Variants in SDC1 observed in about 807,000 individuals in gnomAD.
The protein encoded by SDC1 is syndecan-1.
Under a neutral mutation model 29.7 loss-of-function variants are expected in SDC1, and 14 were observed. That is an observed-to-expected ratio of 0.47 (90% CI 0.31 to 0.74). The LOEUF (loss-of-function observed/expected upper bound fraction) is 0.74. Among genes scored for constraint, SDC1 ranks in the 30% least tolerant of loss-of-function variants. SDC1 has a pLI of 0.05. For missense variants in SDC1, 406 were observed against 400.3 expected (o/e 1.01, Z -0.12); for synonymous variants, 204 against 175.5 (o/e 1.16, Z -1.29).
In SDC1 at chr2:20,202,147, T is replaced by C. The variant is rs1248488671; in HGVS notation, c.*619A>G. 6 of 583,548 alleles carry C rather than the reference T, an allele frequency of 1.0e-5. No individual in the cohort carries two copies. The highest frequency in any genetic ancestry group is 6.3e-5 in the South Asian group (3 of 47,254). The allele number at this position is 583,548 out of a possible 1,614,324, so 36.1% of individuals were successfully genotyped here. A position where few individuals can be genotyped will look rare whatever the true frequency, so the allele number is the denominator to read the frequency against. On this transcript the variant is annotated 3_prime_UTR_variant, in exon 5 of 5. Transcript: ENST00000254351. Reference sequence around the variant, plus strand: ...TAACCCTGATGCTGTCTCCCGACCATAGATTAGGGAAGCAAGATGGGGGGA... The same window carrying C: ...TAACCCTGATGCTGTCTCCCGACCACAGATTAGGGAAGCAAGATGGGGGGA...
intron 1 of SDC1, chr2:20,223,389 G>A: frequency 2.2e-6 from 2 of 893,354 alleles, no homozygotes; most frequent in Non-Finnish European, 1.6e-6. Context: ...CATTAGCAGT[G>A]GAGAACCCGA....
chr2:20,223,182 A>G, intron 1 of SDC1: 1 of 1,186,480 alleles, frequency 8.4e-7, no homozygotes, highest in Non-Finnish European at 1.1e-6. Context: ...GGACCGGAAA[A>G]TGTCTGGAAG....
intron 1 of SDC1, chr2:20,223,368 T>C (rs1445216884): frequency 3.6e-6 from 4 of 1,115,814 alleles, no homozygotes; most frequent in South Asian, 1.3e-5. Flanking sequence ...CTGAGACTTG[T>C]CCAGATGCCA....
At position 20,224,739 on chromosome 2, in the gene SDC1, C is replaced by A; in HGVS notation, c.66+63G>T. On this transcript the variant is annotated intron_variant, in intron 1 of 4. Transcript: ENST00000254351. The surrounding 1 kb of genome is among the most constrained non-coding windows in gnomAD (Gnocchi z 4.9). Reference sequence around the variant, plus strand: ...CTCCCCCTCCACGTGCACCCGCCGGCATCCGCGGGTGACCAGTCCCGGCTT... The same window carrying A: ...CTCCCCCTCCACGTGCACCCGCCGGAATCCGCGGGTGACCAGTCCCGGCTT... 8.0e-7 allele frequency: 1 copy of A among 1,255,228 alleles called. No homozygotes were observed. 77.8% of individuals were successfully genotyped at this position (1,255,228 alleles called of 1,614,324 possible). A position where few individuals can be genotyped will look rare whatever the true frequency, so the allele number is the denominator to read the frequency against.
intron 4 of SDC1, 34 bp from the exon 5 acceptor site, chr2:20,202,969 C>A (rs370724234): frequency 1.3e-6 from 2 of 1,586,652 alleles, no homozygotes; most frequent in Non-Finnish European, 8.6e-7. Flanking sequence ...CTCAGCTCAG[C>A]GGCTCCTTGG....
At chr2:20,207,449 G>A in intron 1 of SDC1, 1 of 966,210 alleles carries the variant, frequency 1.0e-6, no homozygotes. Flanking sequence ...TGGTGCAGTG[G>A]CTCACGCCTG....
At chr2:20,219,664 A>C (rs1287324718) in intron 1 of SDC1, among the ~76,000 whole-genome samples, 2 of 152,248 alleles carry the variant, frequency 1.3e-5, no homozygotes. Flanking sequence ...GACAGGGTAC[A>C]GGATCCCAGC....
At chr2:20,212,402 C>A (rs1677492752) in intron 1 of SDC1, among the ~76,000 whole-genome samples, 1 of 152,016 alleles carries the variant, frequency 6.6e-6, no homozygotes, top group African/African-American at 2.4e-5. Context: ...ACACTGGGCT[C>A]CCCCAGCCTC....
chr2:20,216,899 G>A (rs569214581), intron 1 of SDC1, among the ~76,000 whole-genome samples: 3 of 152,324 alleles, frequency 2.0e-5, no homozygotes, highest in African/African-American at 7.2e-5. Flanking sequence ...TAGCACAGAA[G>A]ATCCACAGAG....
At position 20,204,151 on chromosome 2, in the gene SDC1, C is replaced by T; in HGVS notation, c.289G>A (p.Glu97Lys). Reference sequence around the variant, plus strand: ...ACAGCCTCTCCCTCCTTGGGCCCCTCTCCAGCCGGCAGGGTGGAGGTGGAG... The same window carrying T: ...ACAGCCTCTCCCTCCTTGGGCCCCTTTCCAGCCGGCAGGGTGGAGGTGGAG... ...AASTSTLPAG[E>K]GPKEGEAVVL... The change falls in exon 3 of 5, where the codon GAG (glutamate) becomes AAG (lysine). Residue 97 changes from glutamate (E) to lysine (K), a missense_variant. Physicochemically the swap from Glu to Lys is moderately conservative, Grantham distance 56. Transcript: ENST00000254351. 1.2e-6 allele frequency: 2 copies of T among 1,602,172 alleles called. No homozygotes were observed. The highest frequency in any genetic ancestry group is 1.7e-6 in the Non-Finnish European group (2 of 1,179,884).
At chr2:20,217,227 G>A (rs564949867) in intron 1 of SDC1, among the ~76,000 whole-genome samples, 15 of 152,204 alleles carry the variant, frequency 9.9e-5, no homozygotes, top group East Asian at 9.6e-4. Context: ...CGCGAATCCC[G>A]TTCATTGTCA....
chr2:20,204,140 C>T lies in SDC1; in HGVS notation c.300G>A (p.Lys100=), dbSNP rs1473027104. ...TSTLPAGEGP[K]EGEAVVLPEV... Reference sequence around the variant, plus strand: ...CTGGCAGGACTACAGCCTCTCCCTCCTTGGGCCCCTCTCCAGCCGGCAGGG... The same window carrying T: ...CTGGCAGGACTACAGCCTCTCCCTCTTTGGGCCCCTCTCCAGCCGGCAGGG... Residue 100 remains lysine, a synonymous_variant, in exon 3 of 5, where the codon AAG becomes AAA. Coordinates refer to ENST00000254351, the MANE Select transcript of SDC1 (RefSeq NM_002997.5). The T allele has an allele frequency of 6.2e-7, 1 of 1,603,474 alleles. No homozygotes were observed. Among genetic ancestry groups the T allele is most frequent in the South Asian group, 1.1e-5 (1 of 91,064 alleles).
chr2:20,204,208 G>A lies in SDC1; in HGVS notation c.232C>T (p.Pro78Ser). 6.3e-7 allele frequency: 1 copy of A among 1,599,268 alleles called. No individual in the cohort carries two copies. The highest frequency in any genetic ancestry group is 1.3e-5 in the African/African-American group (1 of 74,990). Residue 78 changes from proline (P) to serine (S), a missense_variant, in exon 3 of 5, where the codon CCA becomes TCA. By Grantham distance (74) the Pro-to-Ser change is moderately conservative. Transcript: ENST00000254351. ...TQLLTAIPTS[P>S]EPTGLEATAA... ...GTAGCCTCCAGGCCGGTGGGTTCTG[G>A]AGACGTGGGAATAGCCGTCAGGAGC... is the stretch of plus-strand genomic sequence containing the variant.
chr2:20,219,890 A>AGTCCTGG (rs1383845937), intron 1 of SDC1, among the ~76,000 whole-genome samples: 2 of 152,178 alleles, frequency 1.3e-5, no homozygotes, highest in African/African-American at 4.8e-5. Flanking sequence ...CAGAGCCAGG[A>AGTCCTGG]GTCCTGGGTT....
intron 1 of SDC1, among the ~76,000 whole-genome samples, chr2:20,212,274 A>C (rs1677488989): frequency 6.6e-6 from 1 of 152,158 alleles, no homozygotes; most frequent in Non-Finnish European, 1.5e-5. Flanking sequence ...TCTGTCCCTA[A>C]ATTACGGGGT....
At chr2:20,218,551 A>G (rs576948684) in intron 1 of SDC1, among the ~76,000 whole-genome samples, 1 of 152,150 alleles carries the variant, frequency 6.6e-6, no homozygotes, top group East Asian at 1.9e-4. Context: ...ACAGACACAC[A>G]CACACAGAGA....
rs370922345 is a variant in SDC1 at position 20,218,145 on chromosome 2, G to A, written c.66+6657C>T. ...TAACCATGTGGCTCTCAGAACTGAG[G>A]ACAGGAAGAACGACCCTTTGGCAGA... On this transcript the variant is annotated intron_variant, in intron 1 of 4. Coordinates refer to ENST00000254351, the MANE Select transcript of SDC1 (RefSeq NM_002997.5). Among the ~76,000 whole-genome samples, 44 of 152,352 alleles carry A rather than the reference G, an allele frequency of 2.9e-4. No homozygotes were observed. The East Asian group carries it at 7.1e-3, about 25-fold the overall frequency.
chr2:20,202,126 C>G lies in SDC1; in HGVS notation c.*640G>C. ...AAAAAAAAAAAAAAGTCTTCTTAAC[C>G]CTGATGCTGTCTCCCGACCATAGAT... On this transcript the variant is annotated 3_prime_UTR_variant, in exon 5 of 5. Transcript: ENST00000254351. The G allele has an allele frequency of 3.5e-6, 2 of 566,130 alleles. No individual in the cohort carries two copies. Among genetic ancestry groups the G allele is most frequent in the Non-Finnish European group, 6.3e-6 (2 of 318,202 alleles). 35.1% of individuals were successfully genotyped at this position (566,130 alleles called of 1,614,324 possible).
In SDC1 at chr2:20,203,829, T is replaced by G. The variant is rs965946325; in HGVS notation, c.611A>C (p.Glu204Ala). 7 of 1,592,444 alleles carry G rather than the reference T, an allele frequency of 4.4e-6. No homozygotes were observed. In the Admixed American group the frequency reaches 5.8e-5, roughly 13 times the overall value. The change falls in exon 3 of 5, where the codon GAG becomes GCG. Residue 204 changes from glutamate (E) to alanine (A), a missense_variant. Transcript: ENST00000254351. ...GCCACTCACCTGCTCCCCAGAGCCC[T>G]CTGCTGCTGGGAGCTGACTGGAGGC... is the stretch of plus-strand genomic sequence containing the variant. ...DGASSQLPAA[E>A]GSGEQDFTFE...
Sources: gnomAD v4.1 joint callset for allele counts (sites outside exome capture counted in the v4.1 genomes callset) on GRCh38, gnomAD v4.1.1 for gene constraint, Gnocchi (gnomAD v3.1) non-coding constraint, MANE v1.5 for transcripts, NCBI Gene and HGNC (gene_info 2026-07-23, HGNC 2026-07-21) for gene names.